Variants in MDN1 observed in about 807,000 individuals in gnomAD.
MDN1 encodes midasin AAA ATPase 1.
MDN1 carries 266 observed loss-of-function variants against 669.2 expected under a neutral mutation model. The observed-to-expected ratio is 0.40, with a 90% CI of 0.36 to 0.44. MDN1 has a LOEUF of 0.44. Among genes scored for constraint, MDN1 ranks in the 20% least tolerant of loss-of-function variants. The pLI, the probability that MDN1 is intolerant of heterozygous loss-of-function variation, is 1.00. For synonymous variants in MDN1, 2,385 were observed against 2,457.1 expected (o/e 0.97, Z 0.87); for missense variants, 5,940 against 6,754.0 (o/e 0.88, Z 4.22).
intron 19 of MDN1, among the ~76,000 whole-genome samples, chr6:89,758,037 G>C (rs1473904101): frequency 6.6e-6 from 1 of 152,126 alleles, no homozygotes; most frequent in Non-Finnish European, 1.5e-5. Context: ...AACAGAGCAA[G>C]ACTCTGTCTC....
At chr6:89,657,931 C>G (rs1026396080) in intron 90 of MDN1, among the ~76,000 whole-genome samples, 21 of 152,232 alleles carry the variant, frequency 1.4e-4, no homozygotes, top group African/African-American at 5.1e-4. Flanking sequence ...GCAATTGGCT[C>G]TACCATTGAG....
chr6:89,782,018 T>C (rs1333563820), intron 9 of MDN1, among the ~76,000 whole-genome samples: 1 of 151,998 alleles, frequency 6.6e-6, no homozygotes, highest in Non-Finnish European at 1.5e-5. Context: ...AAAAGAAATT[T>C]TGTCAACTTT....
Position 89,809,998 on chromosome 6 carries a change from A to T in MDN1, c.103-6444T>A, listed in dbSNP as rs1330025591. ...AGAGTGAGACTCCGTTTCACTAAAA[A>T]AAAAAAAAAAAAAAAAAAAAAAAAA... On this transcript the variant is annotated intron_variant, in intron 1 of 101. Coordinates refer to ENST00000369393, the MANE Select transcript of MDN1 (RefSeq NM_014611.3). Among the ~76,000 whole-genome samples, 310 of 61,584 alleles carry T rather than the reference A, an allele frequency of 5.0e-3. 1 individual carries two copies. Among genetic ancestry groups the T allele is most frequent in the African/African-American group, 6.4e-3 (105 of 16,302 alleles). The allele number at this position is 61,584 out of a possible 152,430, so 40.4% of individuals were successfully genotyped here. A position where few individuals can be genotyped will look rare whatever the true frequency, so the allele number is the denominator to read the frequency against.
At chr6:89,801,375 A>T (rs888577325) in intron 2 of MDN1, among the ~76,000 whole-genome samples, 5 of 152,130 alleles carry the variant, frequency 3.3e-5, no homozygotes, top group African/African-American at 4.8e-5. Context: ...AAGTTAGGCC[A>T]GGCGCAGTGG....
At chr6:89,714,498 T>C (rs1241505313) in intron 46 of MDN1, 45 bp downstream of exon 46, 13 of 1,462,274 alleles carry the variant, frequency 8.9e-6, no homozygotes, top group Non-Finnish European at 1.2e-5. Flanking sequence ...CATAAATTTC[T>C]TGAAGACTAA....
rs751041396 is a variant in MDN1 at position 89,712,157 on chromosome 6, G to A, written c.7530C>T (p.Ile2510=). 9.9e-6 allele frequency: 16 copies of A among 1,613,912 alleles called. No individual in the cohort carries two copies. The highest frequency in any genetic ancestry group is 2.7e-5 in the African/African-American group (2 of 74,898). ...CCATGACCAAAACATCTGGTTCATC[G>A]ATCCAGTAAGTATTCACTTCGACTG... is the stretch of plus-strand genomic sequence containing the variant. ...FNAVEVNTYW[I]DEPDVLVMAV... is the part of the protein sequence containing the mutation. Residue 2510 remains isoleucine (I), a synonymous_variant, in exon 49 of 102, where the codon ATC becomes ATT. Transcript: ENST00000369393.
chr6:89,788,046 G>A, intron 7 of MDN1, 89 bp from the exon 8 acceptor site: 2 of 1,135,220 alleles, frequency 1.8e-6, no homozygotes, highest in South Asian at 1.4e-5. Flanking sequence ...CAAAATGACA[G>A]ACACACCCTT....
At chr6:89,727,808 T>C (rs753522041) in intron 37 of MDN1, 25 bp downstream of exon 37, 2 of 1,610,424 alleles carry the variant, frequency 1.2e-6, no homozygotes, top group South Asian at 1.1e-5. Context: ...ATCACCGTCT[T>C]GGGCATGACA....
intron 95 of MDN1, among the ~76,000 whole-genome samples, chr6:89,651,308 G>C (rs1808843053): frequency 8.2e-6 from 1 of 122,152 alleles, no homozygotes; most frequent in Non-Finnish European, 1.6e-5. Context: ...CTGGGTGACA[G>C]AGCGAGATTC....
intron 1 of MDN1, among the ~76,000 whole-genome samples, chr6:89,808,143 G>C (rs1311083949): frequency 6.7e-6 from 1 of 150,084 alleles, no homozygotes. Flanking sequence ...ACTTTTTAAA[G>C]TCCTTGTTTA....
intron 2 of MDN1, among the ~76,000 whole-genome samples, chr6:89,795,869 C>T (rs563284679): frequency 1.3e-5 from 2 of 152,106 alleles, no homozygotes; most frequent in East Asian, 3.9e-4. Context: ...GCGGGAGAAT[C>T]GCTTGAACCC....
In MDN1 at chr6:89,723,017, G is replaced by C; in HGVS notation, c.5905C>G (p.Pro1969Ala). The C allele has an allele frequency of 6.2e-6, 10 of 1,613,998 alleles. No individual in the cohort carries two copies. The highest frequency in any genetic ancestry group is 7.6e-6 in the Non-Finnish European group (9 of 1,179,962). Residue 1969 changes from proline (P) to alanine (A), a missense_variant, in exon 40 of 102, where the codon CCT (proline) becomes GCT (alanine). Transcript: ENST00000369393. Reference protein sequence around the residue: ...LVDQSPGCYDPGQHVFLVYGE... With the variant: ...LVDQSPGCYDAGQHVFLVYGE... ...TAGACCAAAAACACATGCTGACCAG[G>C]ATCATAACACCCAGGGGACTGGTCA...
chr6:89,734,619 C>T (rs999713241), intron 33 of MDN1, among the ~76,000 whole-genome samples: 2 of 144,172 alleles, frequency 1.4e-5, no homozygotes, highest in African/African-American at 5.2e-5. Flanking sequence ...AATATTGTGC[C>T]ACTGTACTCC....
intron 52 of MDN1, among the ~76,000 whole-genome samples, chr6:89,706,588 C>T (rs1218846626): frequency 1.3e-5 from 2 of 152,090 alleles, no homozygotes; most frequent in Non-Finnish European, 2.9e-5. Context: ...TTTGTGGCAT[C>T]ATGTCAGTGC....
chr6:89,699,555 C>A (rs76372913), intron 58 of MDN1, 46 bp downstream of exon 58: 2 of 1,549,236 alleles, frequency 1.3e-6, no homozygotes, highest in East Asian at 2.3e-5. Context: ...GAAAATCTAA[C>A]CAACTCATAA....
chr6:89,687,611 A>T (rs1193247098), intron 67 of MDN1, among the ~76,000 whole-genome samples, 173 bp from the exon 68 acceptor site: 2 of 152,206 alleles, frequency 1.3e-5, no homozygotes, highest in Non-Finnish European at 2.9e-5. Flanking sequence ...TTCTGTTCAC[A>T]TGACAGAACT....
rs1484107936 is a variant in MDN1 at position 89,695,181 on chromosome 6, G to A, written c.9771+424C>T. Among the ~76,000 whole-genome samples the A allele has an allele frequency of 1.3e-5, 2 of 152,166 alleles. No individual in the cohort carries two copies. Among genetic ancestry groups the A allele is most frequent in the South Asian group, 2.1e-4 (1 of 4,826 alleles). ...CAGGAGGCAGAGGTTGCAGTGAGCC[G>A]AGATTGTGCCACTGCACTCCTGCCT... is the stretch of plus-strand genomic sequence containing the variant. On this transcript the variant is annotated intron_variant, in intron 61 of 101. Coordinates refer to ENST00000369393, the MANE Select transcript of MDN1 (RefSeq NM_014611.3). This position sits in a 1 kb window ranked among gnomAD's most constrained non-coding sequence, Gnocchi z 4.1.
At chr6:89,672,854 C>T (rs974738625) in intron 80 of MDN1, 152 bp from the exon 81 acceptor site, 4 of 778,792 alleles carry the variant, frequency 5.1e-6, no homozygotes, top group African/African-American at 3.5e-5. Flanking sequence ...TTCCTTGCCT[C>T]GATAAACCTA....
At chr6:89,649,606 ATACCTACC>A (rs1477655597) in intron 97 of MDN1, among the ~76,000 whole-genome samples, 1 of 152,260 alleles carries the variant, frequency 6.6e-6, no homozygotes, top group East Asian at 1.9e-4. Flanking sequence ...TGTATCCTAG[ATACCTACC>A]TAAACTATCT....
Sources: allele counts gnomAD v4.1 joint callset (sites outside exome capture counted in the v4.1 genomes callset), GRCh38; gene constraint gnomAD v4.1.1; non-coding constraint Gnocchi (gnomAD v3.1); transcripts MANE v1.5; gene names NCBI Gene and HGNC (gene_info 2026-07-23, HGNC 2026-07-21).